Variants in GRIN2B observed in about 807,000 individuals in gnomAD.
GRIN2B encodes glutamate receptor ionotropic, NMDA 2B.
Under a neutral mutation model 114.5 loss-of-function variants are expected in GRIN2B, and 5 were observed. The ratio of observed to expected loss-of-function variants is 0.04; its 90% CI spans 0.02 to 0.09. The LOEUF is 0.09. Among genes scored for constraint, GRIN2B ranks in the 10% least tolerant of loss-of-function variants. GRIN2B has a pLI of 1.00. For missense variants in GRIN2B, 1,108 were observed against 1,943.5 expected, an observed-to-expected ratio of 0.57 and a Z score of 8.08; for synonymous variants, 787 against 745.1, an observed-to-expected ratio of 1.06 and a Z score of -0.92.
chr12:13,829,422 A>G (rs1208871946), intron 3 of GRIN2B, among the ~76,000 whole-genome samples: 1 of 152,192 alleles, frequency 6.6e-6, no homozygotes. Context: ...AAAATTCAGA[A>G]CATAGAGATA....
chr12:13,725,596 A>G (rs780405126), intron 4 of GRIN2B, among the ~76,000 whole-genome samples: 8 of 152,138 alleles, frequency 5.3e-5, no homozygotes, highest in Non-Finnish European at 1.2e-4. Flanking sequence ...GATCGGATAC[A>G]CAGACTCTTT....
intron 4 of GRIN2B, among the ~76,000 whole-genome samples, chr12:13,686,481 C>T (rs1313961073): frequency 6.6e-6 from 1 of 152,132 alleles, no homozygotes; most frequent in African/African-American, 2.4e-5. Context: ...AGCTCTTTCT[C>T]TCCCTCTGTA....
chr12:13,914,256 A>G (rs1314002411), intron 2 of GRIN2B, among the ~76,000 whole-genome samples: 1 of 152,112 alleles, frequency 6.6e-6, no homozygotes. Context: ...CCAAAAAAGC[A>G]CTGAACTCAA....
intron 3 of GRIN2B, among the ~76,000 whole-genome samples, chr12:13,863,914 C>G (rs1307079984): frequency 6.6e-6 from 1 of 152,178 alleles, no homozygotes; most frequent in Admixed American, 6.5e-5. Context: ...TCGCTCTTAA[C>G]CATATCAGAA....
In GRIN2B at chr12:13,564,101, C is replaced by A. The variant is rs201029083; in HGVS notation, c.3137G>T (p.Ser1046Ile). ...SDLYGKFSFK[S>I]DRYSGHDDLI... ...GTCGTCGTGGCCACTGTAGCGGTCG[C>A]TCTTGAAGGAGAATTTGCCGTACAG... The change falls in exon 14 of 14, where the codon AGC becomes ATC. Residue 1046 changes from serine to isoleucine, a missense_variant. Transcript: ENST00000609686. The surrounding 1 kb of genome is among the most constrained non-coding windows in gnomAD (Gnocchi z 4.8). The A allele has an allele frequency of 8.7e-6, 14 of 1,614,020 alleles. No individual in the cohort carries two copies. The highest frequency in any genetic ancestry group is 1.2e-5 in the Non-Finnish European group (14 of 1,180,038).
intron 4 of GRIN2B, among the ~76,000 whole-genome samples, chr12:13,685,618 G>C (rs989390798): frequency 3.3e-5 from 5 of 152,126 alleles, no homozygotes; most frequent in Non-Finnish European, 7.4e-5. Flanking sequence ...GGCATGTCAT[G>C]CTATGTATGT....
chr12:13,718,531 T>C (rs1950479209), intron 4 of GRIN2B, among the ~76,000 whole-genome samples: 1 of 152,070 alleles, frequency 6.6e-6, no homozygotes, highest in Non-Finnish European at 1.5e-5. Context: ...AAGTGTAAAT[T>C]GTGTGCTTTG....
chr12:13,587,975 G>A (rs1201006436), intron 10 of GRIN2B, among the ~76,000 whole-genome samples: 1 of 152,190 alleles, frequency 6.6e-6, no homozygotes, highest in Admixed American at 6.5e-5. Context: ...TTTTGCACCA[G>A]CCTTAATATA....
chr12:13,934,405 G>T (rs547759651), intron 2 of GRIN2B, among the ~76,000 whole-genome samples: 1 of 152,148 alleles, frequency 6.6e-6, no homozygotes, highest in Admixed American at 6.5e-5. Context: ...CACAAAATTC[G>T]TTAATGGTGG....
chr12:13,980,362 G>A lies in GRIN2B; in HGVS notation c.-447-6C>T, dbSNP rs904725193. Reference sequence around the variant, plus strand: ...ATTCCCAAAGCGTCCCCTTCCTAAGGGGGAAAAAGAGGCGGTCAGGGCTTG... The same window carrying A: ...ATTCCCAAAGCGTCCCCTTCCTAAGAGGGAAAAAGAGGCGGTCAGGGCTTG... On this transcript the variant is annotated splice_region_variant and splice_polypyrimidine_tract_variant and intron_variant, in intron 1 of 13. Coordinates refer to ENST00000609686, the MANE Select transcript of GRIN2B (RefSeq NM_000834.5). The A allele has an allele frequency of 6.6e-6, 1 of 152,188 alleles. No individual in the cohort carries two copies. Among genetic ancestry groups the A allele is most frequent in the Non-Finnish European group, 1.5e-5 (1 of 68,060 alleles). 9.4% of individuals were successfully genotyped at this position (152,188 alleles called of 1,614,324 possible).
intron 2 of GRIN2B, among the ~76,000 whole-genome samples, chr12:13,896,953 T>C (rs1866365019): frequency 6.6e-6 from 1 of 152,170 alleles, no homozygotes; most frequent in South Asian, 2.1e-4. Flanking sequence ...AGATAATGTA[T>C]GTAAAGCAAC....
At chr12:13,969,823 C>A (rs1344282541) in intron 2 of GRIN2B, among the ~76,000 whole-genome samples, 1 of 152,154 alleles carries the variant, frequency 6.6e-6, no homozygotes, top group Non-Finnish European at 1.5e-5. Flanking sequence ...ATCAAAGCAG[C>A]TTTGTAAATG....
Position 13,546,544 on chromosome 12 carries a change from T to A in GRIN2B, c.*16239A>T, listed in dbSNP as rs1229502745. ...TTCCCTCTTCTTTGTTTCTAGATTA[T>A]TTTTTTTTCAACTCAGTGAAGAACA... On this transcript the variant is annotated 3_prime_UTR_variant, in exon 14 of 14. Coordinates refer to ENST00000609686, the MANE Select transcript of GRIN2B (RefSeq NM_000834.5). 3 of 151,580 alleles carry A rather than the reference T, an allele frequency of 2.0e-5. No homozygotes were observed. The highest frequency in any genetic ancestry group is 2.9e-5 in the Non-Finnish European group (2 of 67,880). 9.4% of individuals were successfully genotyped at this position (151,580 alleles called of 1,614,324 possible). A position where few individuals can be genotyped will look rare whatever the true frequency, so the allele number is the denominator to read the frequency against.
intron 2 of GRIN2B, among the ~76,000 whole-genome samples, chr12:13,952,254 A>T (rs1295204227): frequency 6.6e-6 from 1 of 152,204 alleles, no homozygotes; most frequent in Non-Finnish European, 1.5e-5. Context: ...TCTTTCTAAA[A>T]ATATTCAGAT....
chr12:13,780,250 C>T (rs545840061), intron 3 of GRIN2B, among the ~76,000 whole-genome samples: 2 of 152,122 alleles, frequency 1.3e-5, no homozygotes, highest in South Asian at 2.1e-4. Context: ...TTTTTATTTA[C>T]CTATTGTATG....
At chr12:13,690,417 G>C (rs981176055) in intron 4 of GRIN2B, among the ~76,000 whole-genome samples, 32 of 149,582 alleles carry the variant, frequency 2.1e-4, no homozygotes, top group Admixed American at 8.7e-4. Context: ...TTGAGTACTG[G>C]TTCCCTGTGG....
chr12:13,664,540 A>G (rs1412471687), intron 5 of GRIN2B, among the ~76,000 whole-genome samples: 3 of 152,136 alleles, frequency 2.0e-5, no homozygotes, highest in Admixed American at 6.6e-5. Context: ...TTATTTAAAC[A>G]AAAAAATACT....
intron 6 of GRIN2B, 52 bp downstream of exon 6, chr12:13,616,403 C>A: frequency 2.3e-6 from 3 of 1,302,868 alleles, no homozygotes; most frequent in Non-Finnish European, 3.3e-6. Flanking sequence ...CTAACAGGTG[C>A]ATCAAAGCTG....
At chr12:13,890,448 C>A (rs780413353) in intron 2 of GRIN2B, among the ~76,000 whole-genome samples, 1 of 152,048 alleles carries the variant, frequency 6.6e-6, no homozygotes, top group East Asian at 1.9e-4. Flanking sequence ...TGATCGTTTG[C>A]GGAGGACTGG....
Sources: allele counts gnomAD v4.1 joint callset (sites outside exome capture counted in the v4.1 genomes callset), GRCh38; gene constraint gnomAD v4.1.1; non-coding constraint Gnocchi (gnomAD v3.1); transcripts MANE v1.5; gene names NCBI Gene and HGNC (gene_info 2026-07-23, HGNC 2026-07-21).